DAZL: variants seen among roughly 807,000 people sequenced by gnomAD.
DAZL encodes the protein deleted in azoospermia-like.
DAZL carries 4 observed loss-of-function variants against 45.0 expected under a neutral mutation model. The observed-to-expected ratio is 0.09, with a 90% CI of 0.04 to 0.20. The LOEUF is 0.20. DAZL is among the 10% of genes least tolerant of loss of function. The probability of loss-of-function intolerance (pLI) is 1.00; values close to 1 mark genes in which losing one functional copy is unlikely to be tolerated. For missense variants in DAZL, 326 were observed against 351.3 expected, an observed-to-expected ratio of 0.93 and a Z score of 0.58; for synonymous variants, 122 against 112.4, an observed-to-expected ratio of 1.09 and a Z score of -0.54.
At position 16,605,192 on chromosome 3, in the gene DAZL, C is replaced by T. The variant is rs756224446; in HGVS notation, c.3+11G>A. ...GCCAGCCTTGCCCCTCGGGCCTCTC[C>T]CTCAACTCACCATGATGGCGGCAGG... On this transcript the variant is annotated intron_variant, in intron 1 of 10. Transcript: ENST00000399444. The T allele has an allele frequency of 6.2e-7, 1 of 1,614,196 alleles. No individual in the cohort carries two copies. The highest frequency in any genetic ancestry group is 1.1e-5 in the South Asian group (1 of 91,092).
chr3:16,603,375 TCCCCTCTTTGTTGCCTAGGCTGGA>T (rs1694722042), intron 1 of DAZL, among the ~76,000 whole-genome samples: 1 of 151,466 alleles, frequency 6.6e-6, no homozygotes, highest in East Asian at 1.9e-4. Context: ...AGACTGAGCC[TCCCCTCTTTGTTGCCTAGGCTGGA>T]GTGCAGTGGC....
chr3:16,596,118 CCT>C lies in DAZL; in HGVS notation c.498+630_498+631del, dbSNP rs201921020. 1.1e-3 allele frequency among the ~76,000 whole-genome samples: 165 copies of C among 152,054 alleles called. 3 individuals are homozygous for C. The East Asian group carries it at 0.023, about 21-fold the overall frequency. Reference sequence around the variant, plus strand: ...AAAGACACTGAAGAACTATTTCACTCCTGTTTTGCTACTTTATTTTCCAGCAA... The same window carrying C: ...AAAGACACTGAAGAACTATTTCACTCGTTTTGCTACTTTATTTTCCAGCAA... On this transcript the variant is annotated intron_variant, in intron 6 of 10. Coordinates refer to ENST00000399444, the MANE Select transcript of DAZL (RefSeq NM_001351.4).
chr3:16,594,562 C>G lies in DAZL; in HGVS notation c.592G>C (p.Gly198Arg), dbSNP rs1480865260. Residue 198 changes from glycine to arginine, a missense_variant, in exon 8 of 11, where the codon GGG (glycine) becomes CGG (arginine). Coordinates refer to ENST00000399444, the MANE Select transcript of DAZL (RefSeq NM_001351.4). ...NYQMPPQWPV[G>R]EQRSYVVPPA... ...GGTACAACATAGCTCCTTTGCTCCC[C>G]AACAGGCCACTGTGGTGGCATCTTA... 1.3e-6 allele frequency: 2 copies of G among 1,589,814 alleles called. No homozygotes were observed. Among genetic ancestry groups the G allele is most frequent in the Non-Finnish European group, 1.7e-6 (2 of 1,170,192 alleles).
chr3:16,597,636 GAAT>G (rs1283156137), intron 3 of DAZL, 95 bp from the exon 4 acceptor site: 31 of 796,336 alleles, frequency 3.9e-5, no homozygotes, highest in Non-Finnish European at 5.7e-5. Context: ...ACTAAAATAT[GAAT>G]AATATACTAT....
chr3:16,605,267 C>A lies in DAZL; in HGVS notation c.-62G>T. 5 of 1,609,106 alleles carry A rather than the reference C, an allele frequency of 3.1e-6. No individual in the cohort carries two copies. The highest frequency in any genetic ancestry group is 4.3e-6 in the Non-Finnish European group (5 of 1,175,466). ...AGGAGCAGAGGCTGTGCTTGGCGCACCACTTCTGGGGCTGCTGTGAGGTCC... is the reference window on the plus strand; with the variant it reads ...AGGAGCAGAGGCTGTGCTTGGCGCAACACTTCTGGGGCTGCTGTGAGGTCC... On this transcript the variant is annotated 5_prime_UTR_variant, in exon 1 of 11. Coordinates refer to ENST00000399444, the MANE Select transcript of DAZL (RefSeq NM_001351.4).
At chr3:16,598,378 T>G (rs988406279) in intron 2 of DAZL, 74 bp downstream of exon 2, 1 of 1,578,774 alleles carries the variant, frequency 6.3e-7, no homozygotes, top group Non-Finnish European at 8.7e-7. Flanking sequence ...AAAAAAACCT[T>G]AAGTTTGTAA....
intron 10 of DAZL, 40 bp downstream of exon 10, chr3:16,592,010 A>G (rs535935685): frequency 7.2e-5 from 114 of 1,582,522 alleles, no homozygotes; most frequent in Admixed American, 1.8e-4. Context: ...TAAAGCTAAC[A>G]AGTGTGCTTT....
chr3:16,593,630 T>C (rs1222634769), intron 9 of DAZL, 25 bp downstream of exon 9: 3 of 1,364,252 alleles, frequency 2.2e-6, no homozygotes, highest in Admixed American at 1.7e-5. Context: ...ATATGAAATA[T>C]ATATAAACAA....
At chr3:16,600,557 G>GT (rs1301143546) in intron 1 of DAZL, among the ~76,000 whole-genome samples, 2 of 152,042 alleles carry the variant, frequency 1.3e-5, no homozygotes, top group African/African-American at 4.8e-5. Context: ...ATTAAGCTGC[G>GT]TATCTTGAAC....
In DAZL at chr3:16,604,793, G is replaced by C. The variant is rs1033124598; in HGVS notation, c.3+410C>G. 5.9e-6 allele frequency: 8 copies of C among 1,351,890 alleles called. No individual in the cohort carries two copies. The African/African-American group carries it at 1.2e-4, about 20-fold the overall frequency. The allele number at this position is 1,351,890 out of a possible 1,614,324, so 83.7% of individuals were successfully genotyped here. ...GCGGGGCGGAGGCGCGTGGGAGTGG[G>C]GGAGGGGCGGAGGCGCGTGAGTGGG... is the stretch of plus-strand genomic sequence containing the variant. On this transcript the variant is annotated intron_variant, in intron 1 of 10. Transcript: ENST00000399444.
intron 1 of DAZL, among the ~76,000 whole-genome samples, chr3:16,604,199 GAC>G (rs1228843395): frequency 1.3e-5 from 2 of 152,128 alleles, no homozygotes; most frequent in African/African-American, 4.8e-5. Flanking sequence ...TATCAATGCA[GAC>G]ACACACACAG....
chr3:16,597,976 G>A lies in DAZL; in HGVS notation c.242+111C>T, dbSNP rs1575418376. The A allele has an allele frequency of 5.9e-6, 7 of 1,178,118 alleles. No individual in the cohort carries two copies. The East Asian group carries it at 1.5e-4, about 26-fold the overall frequency. 73.0% of individuals were successfully genotyped at this position (1,178,118 alleles called of 1,614,324 possible). On this transcript the variant is annotated intron_variant, in intron 3 of 10. Coordinates refer to ENST00000399444, the MANE Select transcript of DAZL (RefSeq NM_001351.4). ...ATAAACTTTTATCCTCTACATGAAA[G>A]AAATTAACACAGCAACAAATTTATG...
At chr3:16,602,046 C>T (rs139601236) in intron 1 of DAZL, among the ~76,000 whole-genome samples, 17 of 151,724 alleles carry the variant, frequency 1.1e-4, no homozygotes, top group African/African-American at 3.6e-4. Flanking sequence ...AAAGAGAATG[C>T]TAAAATTAAG....
At chr3:16,590,833 A>G (rs1694507396) in intron 10 of DAZL, among the ~76,000 whole-genome samples, 1 of 151,696 alleles carries the variant, frequency 6.6e-6, no homozygotes, top group Non-Finnish European at 1.5e-5. Flanking sequence ...AAAGTAAGTA[A>G]ATTAGTGGTT....
At chr3:16,590,068 C>T (rs545682327) in intron 10 of DAZL, among the ~76,000 whole-genome samples, 1 of 151,962 alleles carries the variant, frequency 6.6e-6, no homozygotes, top group South Asian at 2.1e-4. Context: ...ATGAGGTCAC[C>T]TCAAAAAAAC....
chr3:16,595,411 T>G, intron 6 of DAZL, 26 bp from the exon 7 acceptor site: 1 of 1,341,364 alleles, frequency 7.5e-7, no homozygotes, highest in Non-Finnish European at 1.1e-6. Flanking sequence ...ACAGAAAGAA[T>G]GAATAATATA....
At chr3:16,595,260 T>C in intron 7 of DAZL, 54 bp downstream of exon 7, 1 of 1,023,984 alleles carries the variant, frequency 9.8e-7, no homozygotes, top group Non-Finnish European at 1.5e-6. Flanking sequence ...TATAAACAAG[T>C]TAAAGGCCTC....
Position 16,588,657 on chromosome 3 carries a change from G to A in DAZL, c.*3C>T, listed in dbSNP as rs1406297984. On this transcript the variant is annotated 3_prime_UTR_variant, in exon 11 of 11. Coordinates refer to ENST00000399444, the MANE Select transcript of DAZL (RefSeq NM_001351.4). Reference sequence around the variant, plus strand: ...TCCCATGTAACTAGATAAGCCAGGAGGATCAAACAGATTTAAGCATTGCCC... The same window carrying A: ...TCCCATGTAACTAGATAAGCCAGGAAGATCAAACAGATTTAAGCATTGCCC... 15 of 1,607,946 alleles carry A rather than the reference G, an allele frequency of 9.3e-6. No individual in the cohort carries two copies. Among genetic ancestry groups the A allele is most frequent in the Non-Finnish European group, 1.3e-5 (15 of 1,174,838 alleles).
intron 3 of DAZL, among the ~76,000 whole-genome samples, chr3:16,597,782 A>C (rs778324693): frequency 1.3e-5 from 2 of 152,232 alleles, no homozygotes; most frequent in Non-Finnish European, 2.9e-5. Flanking sequence ...ATTCATATCC[A>C]TGAACCTGAA....
Sources: gnomAD v4.1 joint callset for allele counts (sites outside exome capture counted in the v4.1 genomes callset) on GRCh38, gnomAD v4.1.1 for gene constraint, MANE v1.5 for transcripts, NCBI Gene and HGNC (gene_info 2026-07-23, HGNC 2026-07-21) for gene names.